The following MGAT4C variants were observed in gnomAD, a reference collection of about 807,000 sequenced individuals.
MGAT4C encodes the protein MGAT4 family member C.
Under a neutral mutation model 40.1 loss-of-function variants are expected in MGAT4C, and 19 were observed. That is an observed-to-expected ratio of 0.47 (90% confidence interval 0.33 to 0.70). The LOEUF (loss-of-function observed/expected upper bound fraction) is 0.70, where lower values mean the gene tolerates loss of function less well. MGAT4C is among the 30% of genes least tolerant of loss of function. The probability of loss-of-function intolerance (pLI) is 0.02; values close to 1 mark genes in which losing one functional copy is unlikely to be tolerated. For missense variants in MGAT4C, 491 were observed against 563.2 expected, an observed-to-expected ratio of 0.87 and a Z score of 1.30; for synonymous variants, 181 against 187.1, an observed-to-expected ratio of 0.97 and a Z score of 0.27.
intron 2 of MGAT4C, among the ~76,000 whole-genome samples, chr12:85,998,615 C>A (rs1287911401): frequency 6.6e-6 from 1 of 152,108 alleles, no homozygotes; most frequent in Non-Finnish European, 1.5e-5. Flanking sequence ...CCATAAATCT[C>A]TAAGGCAGGG....
chr12:86,330,494 C>T (rs1954638623), intron 4 of MGAT4C, among the ~76,000 whole-genome samples: 1 of 152,174 alleles, frequency 6.6e-6, no homozygotes, highest in African/African-American at 2.4e-5. Context: ...TATTGGCATA[C>T]ATATGGCATT....
intron 2 of MGAT4C, among the ~76,000 whole-genome samples, chr12:86,584,403 A>C (rs1049193104): frequency 6.0e-5 from 9 of 151,016 alleles, no homozygotes; most frequent in Admixed American, 2.0e-4. Flanking sequence ...CTTCCTGTGA[A>C]GTTAATTACA....
intron 2 of MGAT4C, among the ~76,000 whole-genome samples, chr12:86,504,894 G>A (rs574999393): frequency 1.3e-5 from 2 of 152,040 alleles, no homozygotes; most frequent in South Asian, 2.1e-4. Context: ...TGATCTGCCC[G>A]CCTCGGCTTC....
intron 3 of MGAT4C, among the ~76,000 whole-genome samples, chr12:86,433,490 A>C (rs981817707): frequency 6.6e-6 from 1 of 151,994 alleles, no homozygotes; most frequent in African/African-American, 2.4e-5. Flanking sequence ...AGTCTTTAAG[A>C]GTGCAGAAAC....
chr12:86,185,324 T>C (rs768346880), intron 1 of MGAT4C, among the ~76,000 whole-genome samples: 3 of 152,178 alleles, frequency 2.0e-5, no homozygotes, highest in Non-Finnish European at 4.4e-5. Flanking sequence ...AAAATAGGGA[T>C]AATATATATG....
At chr12:86,469,369 G>A (rs1012269857) in intron 2 of MGAT4C, among the ~76,000 whole-genome samples, 4 of 152,216 alleles carry the variant, frequency 2.6e-5, no homozygotes, top group Admixed American at 6.5e-5. Context: ...GAAAGACTGC[G>A]ACTTCTGTCT....
In MGAT4C at chr12:86,745,931, T is replaced by C. The variant is rs117033592; in HGVS notation, c.-261-18690A>G. Among the ~76,000 whole-genome samples the C allele has an allele frequency of 5.9e-5, 9 of 151,792 alleles. No homozygotes were observed. The East Asian group carries it at 1.4e-3, about 23-fold the overall frequency. On this transcript the variant is annotated intron_variant, in intron 1 of 7. Transcript: ENST00000548651. ...CATTTGTTTTAATGAGGCAGAATTA[T>C]ACAGCTGTCTATCTCTAAAAAAGGG...
At chr12:86,332,968 G>A (rs1249053366) in intron 4 of MGAT4C, among the ~76,000 whole-genome samples, 1 of 152,120 alleles carries the variant, frequency 6.6e-6, no homozygotes, top group African/African-American at 2.4e-5. Flanking sequence ...CAAGTTACCA[G>A]CAGAAAAAGG....
intron 1 of MGAT4C, among the ~76,000 whole-genome samples, chr12:86,147,679 A>G (rs1883732574): frequency 6.6e-6 from 1 of 152,236 alleles, no homozygotes; most frequent in Non-Finnish European, 1.5e-5. Context: ...GCTCTCCTTT[A>G]AAGTTGGACA....
intron 3 of MGAT4C, among the ~76,000 whole-genome samples, chr12:86,351,753 C>T (rs550133836): frequency 2.0e-4 from 30 of 152,120 alleles, no homozygotes; most frequent in Non-Finnish European, 3.8e-4. Context: ...TTATTGCATA[C>T]CATCTTAATC....
At position 85,961,905 on chromosome 12, in the gene MGAT4C, A is replaced by G. The variant is rs1453564275; in HGVS notation, c.*17384T>C. The G allele has an allele frequency of 6.6e-6, 1 of 151,880 alleles. No individual in the cohort carries two copies. Among genetic ancestry groups the G allele is most frequent in the Non-Finnish European group, 1.5e-5 (1 of 67,788 alleles). The allele number at this position is 151,880 out of a possible 1,614,324, so 9.4% of individuals were successfully genotyped here. A position where few individuals can be genotyped will look rare whatever the true frequency, so the allele number is the denominator to read the frequency against. ...ATGGAACTTAATGATGTAAGAGTTAATTACCCATTGTCAAAAATCATTGCC... is the reference window on the plus strand; with the variant it reads ...ATGGAACTTAATGATGTAAGAGTTAGTTACCCATTGTCAAAAATCATTGCC... On this transcript the variant is annotated 3_prime_UTR_variant, in exon 5 of 5. Transcript: ENST00000611864.
At chr12:86,468,386 T>C (rs1361537497) in intron 2 of MGAT4C, among the ~76,000 whole-genome samples, 1 of 152,232 alleles carries the variant, frequency 6.6e-6, no homozygotes, top group African/African-American at 2.4e-5. Context: ...CTGTTCTTCA[T>C]ATCTTCATTG....
intron 2 of MGAT4C, among the ~76,000 whole-genome samples, chr12:86,445,185 A>G (rs1957311946): frequency 6.6e-6 from 1 of 152,076 alleles, no homozygotes; most frequent in South Asian, 2.1e-4. Flanking sequence ...AGCCTAATTT[A>G]TGCCAATTAT....
At chr12:86,104,899 T>A (rs1427739745) in intron 1 of MGAT4C, among the ~76,000 whole-genome samples, 2 of 152,040 alleles carry the variant, frequency 1.3e-5, no homozygotes, top group African/African-American at 4.8e-5. Context: ...GGTTGATGCA[T>A]ACTTAATAGA....
At chr12:86,110,820 C>A (rs1877250077) in intron 1 of MGAT4C, among the ~76,000 whole-genome samples, 1 of 151,540 alleles carries the variant, frequency 6.6e-6, no homozygotes, top group African/African-American at 2.4e-5. Flanking sequence ...TACAGTTGTA[C>A]ATACTAATAT....
rs1950496571 is a variant in MGAT4C at position 86,212,133 on chromosome 12, C to T, written c.-57+44106G>A. 1.3e-5 allele frequency among the ~76,000 whole-genome samples: 2 copies of T among 152,158 alleles called. 1 individual carries two copies. Among genetic ancestry groups the T allele is most frequent in the South Asian group, 4.2e-4 (2 of 4,818 alleles). On this transcript the variant is annotated intron_variant, in intron 1 of 4. Coordinates refer to ENST00000611864, the MANE Select transcript of MGAT4C (RefSeq NM_001351288.2). ...ATGGCTGGTGTGGAGATAAGAAAGA[C>T]AAAGGAAAGAATACCCATCTCGTTT... is the stretch of plus-strand genomic sequence containing the variant.
chr12:86,711,562 A>G (rs905225340), intron 2 of MGAT4C, among the ~76,000 whole-genome samples: 1 of 152,122 alleles, frequency 6.6e-6, no homozygotes, highest in Non-Finnish European at 1.5e-5. Flanking sequence ...TGGTTCTTAT[A>G]TTGTTTTTTC....
At chr12:86,719,751 G>T (rs949631676) in intron 2 of MGAT4C, among the ~76,000 whole-genome samples, 1 of 152,142 alleles carries the variant, frequency 6.6e-6, no homozygotes, top group Non-Finnish European at 1.5e-5. Context: ...CCCTGTTCTT[G>T]CATTCCCACC....
intron 2 of MGAT4C, among the ~76,000 whole-genome samples, chr12:86,437,593 T>G (rs986040227): frequency 2.0e-5 from 3 of 151,938 alleles, no homozygotes; most frequent in African/African-American, 4.8e-5. Context: ...TGCTTTATTG[T>G]ACTTTGTAGA....
Sources: gnomAD v4.1 joint callset for allele counts (sites outside exome capture counted in the v4.1 genomes callset) on GRCh38, gnomAD v4.1.1 for gene constraint, MANE v1.5 for transcripts, NCBI Gene and HGNC (gene_info 2026-07-23, HGNC 2026-07-21) for gene names.